Variants in DSC3 observed in about 807,000 individuals in gnomAD.
DSC3 encodes the protein desmocollin 3.
In DSC3, 97 loss-of-function variants were observed where a neutral mutation model predicts 89.5. That is an observed-to-expected ratio of 1.08 (90% CI 0.92 to 1.28). The LOEUF is 1.28. Among genes scored for constraint, DSC3 ranks in the 50% most tolerant of loss-of-function variants. The pLI, the probability that DSC3 is intolerant of heterozygous loss-of-function variation, is 0.00. For missense variants in DSC3, 1,199 were observed against 1,085.3 expected, an observed-to-expected ratio of 1.10 and a Z score of -1.47; for synonymous variants, 436 against 384.1, an observed-to-expected ratio of 1.14 and a Z score of -1.58.
intron 9 of DSC3, among the ~76,000 whole-genome samples, chr18:31,013,817 T>G (rs576520740): frequency 1.3e-5 from 2 of 152,242 alleles, no homozygotes; most frequent in South Asian, 4.1e-4. Context: ...TGCACAACCT[T>G]TCTGGAGGAC....
intron 7 of DSC3, 69 bp downstream of exon 7, chr18:31,022,267 A>C: frequency 6.4e-7 from 1 of 1,571,492 alleles, no homozygotes; most frequent in Non-Finnish European, 8.8e-7. Flanking sequence ...CAGGATAGCA[A>C]GTTATAATAA....
chr18:31,027,600 T>C lies in DSC3; in HGVS notation c.475-1685A>G, dbSNP rs116578798. Among the ~76,000 whole-genome samples the C allele has an allele frequency of 7.8e-3, 1,190 of 152,182 alleles. 20 individuals carry two copies. Among genetic ancestry groups the C allele is most frequent in the African/African-American group, 0.028 (1,150 of 41,544 alleles). On this transcript the variant is annotated intron_variant, in intron 4 of 15. Coordinates refer to ENST00000360428, the MANE Select transcript of DSC3 (RefSeq NM_001941.5). The stretch of plus-strand genomic sequence containing the variant: ...CAATCTTTTCTCTGATGCTGGTTGG[T>C]GCAGTTCAGAGACTGTTCTGAAGTT...
At chr18:31,029,361 A>C (rs1366462051) in intron 4 of DSC3, 148 bp downstream of exon 4, 1 of 978,936 alleles carries the variant, frequency 1.0e-6, no homozygotes, top group East Asian at 2.6e-5. Flanking sequence ...GGTTTTTAGT[A>C]ATTTTCTTTC....
At chr18:31,040,360 T>A (rs79395750) in intron 1 of DSC3, among the ~76,000 whole-genome samples, 1,802 of 152,252 alleles carry the variant, frequency 0.012, 39 homozygotes, top group African/African-American at 0.04. Flanking sequence ...AGAAGACAAC[T>A]GATCTCATGT....
chr18:31,036,413 G>A (rs888658074), intron 1 of DSC3, among the ~76,000 whole-genome samples: 4 of 151,158 alleles, frequency 2.6e-5, no homozygotes, highest in Admixed American at 2.0e-4. Context: ...TTTTTTTCTT[G>A]TAGGTTTACT....
At chr18:31,020,911 C>T (rs1985396517) in intron 7 of DSC3, among the ~76,000 whole-genome samples, 1 of 152,104 alleles carries the variant, frequency 6.6e-6, no homozygotes, top group Non-Finnish European at 1.5e-5. Context: ...CATTGCACTT[C>T]AGCCTGGGCA....
rs1196444633 is a variant in DSC3 at position 30,995,971 on chromosome 18, TAAAAAAAAAAAAAAAAA to T, written c.2493+803_2493+819del. Among the ~76,000 whole-genome samples, 5 of 37,014 alleles carry T rather than the reference TAAAAAAAAAAAAAAAAA, an allele frequency of 1.4e-4. 1 individual carries two copies. The highest frequency in any genetic ancestry group is 1.6e-3 in the South Asian group (1 of 624). 24.3% of individuals were successfully genotyped at this position (37,014 alleles called of 152,430 possible). On this transcript the variant is annotated intron_variant, in intron 15 of 15. Transcript: ENST00000360428. The stretch of plus-strand genomic sequence containing the variant: ...TCAGCGACAGAGCAAGACCCTGCCT[TAAAAAAAAAAAAAAAAA>T]AAAAAAAAAAAGAAAAGAAAGAAAA...
intron 6 of DSC3, among the ~76,000 whole-genome samples, chr18:31,023,038 G>A (rs918418389): frequency 6.6e-6 from 1 of 152,012 alleles, no homozygotes; most frequent in African/African-American, 2.4e-5. Flanking sequence ...AGCCTTAACT[G>A]GTCTGAACCT....
chr18:31,017,408 G>A (rs1985271634), intron 9 of DSC3, among the ~76,000 whole-genome samples: 1 of 152,130 alleles, frequency 6.6e-6, no homozygotes, highest in Non-Finnish European at 1.5e-5. Flanking sequence ...TAAAACCAAT[G>A]ATCCTTTTCA....
chr18:31,012,975 G>A (rs1428056071), intron 9 of DSC3, among the ~76,000 whole-genome samples: 2 of 151,976 alleles, frequency 1.3e-5, no homozygotes, highest in Non-Finnish European at 2.9e-5. Flanking sequence ...TTAAACTTAG[G>A]AGCTGATTTG....
chr18:31,032,953 A>T (rs570401869), intron 1 of DSC3, among the ~76,000 whole-genome samples: 5 of 152,284 alleles, frequency 3.3e-5, no homozygotes, highest in African/African-American at 1.2e-4. Flanking sequence ...CCACTAAAAA[A>T]CTGTCTAAAT....
intron 9 of DSC3, among the ~76,000 whole-genome samples, chr18:31,011,536 G>A (rs1360392867): frequency 6.6e-6 from 1 of 152,108 alleles, no homozygotes; most frequent in Non-Finnish European, 1.5e-5. Context: ...GGAAGAGGAG[G>A]ATTCCTTTAG....
chr18:31,019,200 G>A (rs1187939858), intron 7 of DSC3, among the ~76,000 whole-genome samples: 1 of 152,160 alleles, frequency 6.6e-6, no homozygotes, highest in Non-Finnish European at 1.5e-5. Context: ...GAGTTCAAAT[G>A]ATTCTCTTGC....
intron 1 of DSC3, among the ~76,000 whole-genome samples, chr18:31,037,055 T>C (rs1051957072): frequency 1.3e-5 from 2 of 152,068 alleles, no homozygotes; most frequent in Non-Finnish European, 2.9e-5. Flanking sequence ...CCTCCCAAAG[T>C]GCTGGGATTA....
At chr18:30,994,540 AC>A in intron 15 of DSC3, 168 bp from the exon 16 acceptor site, 1 of 1,475,474 alleles carries the variant, frequency 6.8e-7, no homozygotes, top group Non-Finnish European at 9.4e-7. Context: ...TCACAACCAT[AC>A]CATAAAGTCA....
At chr18:31,012,252 T>C (rs1985095183) in intron 9 of DSC3, among the ~76,000 whole-genome samples, 1 of 152,106 alleles carries the variant, frequency 6.6e-6, no homozygotes. Flanking sequence ...AAGAAAAATA[T>C]AATTTAAAAA....
rs146235756 is a variant in DSC3 at position 31,025,519 on chromosome 18, G to A, written c.630+241C>T. Among the ~76,000 whole-genome samples, 18 of 152,168 alleles carry A rather than the reference G, an allele frequency of 1.2e-4. No homozygotes were observed. The East Asian group carries it at 2.1e-3, about 18-fold the overall frequency. On this transcript the variant is annotated intron_variant, in intron 5 of 15. Coordinates refer to ENST00000360428, the MANE Select transcript of DSC3 (RefSeq NM_001941.5). ...TTGGAAATTTACTGACATTTACATC[G>A]AAATACTTTGAAATTTATGTTCAAA...
At chr18:31,034,857 A>T (rs1985920695) in intron 1 of DSC3, among the ~76,000 whole-genome samples, 1 of 152,116 alleles carries the variant, frequency 6.6e-6, no homozygotes, top group Non-Finnish European at 1.5e-5. Flanking sequence ...GTGATGAAAA[A>T]CTTCTAAAAT....
rs1984308108 is a variant in DSC3, at chr18:30,992,651, A to G, written c.*1524T>C. 1 of 152,304 alleles carries G rather than the reference A, an allele frequency of 6.6e-6. No homozygotes were observed. Among genetic ancestry groups the G allele is most frequent in the African/African-American group, 2.4e-5 (1 of 41,468 alleles). The allele number at this position is 152,304 out of a possible 1,614,324, so 9.4% of individuals were successfully genotyped here. The stretch of plus-strand genomic sequence containing the variant: ...CCTGTTGCCCTCTGACTGTACAAAT[A>G]ACCTACTTGGGCTGCTTTCTCCCAA... On this transcript the variant is annotated 3_prime_UTR_variant, in exon 16 of 16. Transcript: ENST00000360428.
Sources: allele counts gnomAD v4.1 joint callset (sites outside exome capture counted in the v4.1 genomes callset), GRCh38; gene constraint gnomAD v4.1.1; transcripts MANE v1.5; gene names NCBI Gene and HGNC (gene_info 2026-07-23, HGNC 2026-07-21).